The following SRD5A2 variants were observed in gnomAD, a reference collection of about 807,000 sequenced individuals.
SRD5A2 encodes 3-oxo-5-alpha-steroid 4-dehydrogenase 2.
A neutral mutation model predicts 27.4 loss-of-function variants in SRD5A2; 30 were observed. That is an observed-to-expected ratio of 1.10 (90% CI 0.82 to 1.49). SRD5A2 has a LOEUF of 1.49. SRD5A2 is among the 40% of genes most tolerant of loss of function. SRD5A2 has a pLI of 0.00. For synonymous variants in SRD5A2, 141 were observed against 133.6 expected (o/e 1.06, Z -0.38); for missense variants, 348 against 323.4 (o/e 1.08, Z -0.58).
At chr2:31,527,468 A>T (rs904040014) in intron 4 of SRD5A2, 4 of 152,186 alleles carry the variant, frequency 2.6e-5, no homozygotes, top group Non-Finnish European at 4.4e-5. Flanking sequence ...CTGTTAGCCT[A>T]TTAAAAACTA....
the SRD5A2 span, among the ~76,000 whole-genome samples, chr2:31,614,110 T>A: frequency 6.6e-6 from 1 of 152,172 alleles, no homozygotes; most frequent in African/African-American, 2.4e-5. Flanking sequence ...CTCAAAGTAA[T>A]AATTCATTTC....
intron 1 of SRD5A2, among the ~76,000 whole-genome samples, chr2:31,540,010 A>AG (rs1367208569): frequency 5.9e-5 from 9 of 152,322 alleles, no homozygotes; most frequent in South Asian, 2.1e-4. Flanking sequence ...AAATGTACGA[A>AG]GGGGGAATAT....
At chr2:31,569,150 C>G (rs1338241620) in intron 1 of SRD5A2, among the ~76,000 whole-genome samples, 3 of 152,242 alleles carry the variant, frequency 2.0e-5, no homozygotes, top group Non-Finnish European at 4.4e-5. Context: ...CCTGGCCGTG[C>G]CAGCTCTGTG....
chr2:31,565,111 C>A (rs1016196695), intron 1 of SRD5A2, among the ~76,000 whole-genome samples: 1 of 151,822 alleles, frequency 6.6e-6, no homozygotes, highest in East Asian at 1.9e-4. Flanking sequence ...GATTTTTATA[C>A]CATACTTGAA....
chr2:31,529,509 A>C (rs370719425), intron 3 of SRD5A2, 52 bp from the exon 4 acceptor site: 1 of 1,597,496 alleles, frequency 6.3e-7, no homozygotes, highest in Admixed American at 1.7e-5. Flanking sequence ...TCATTTTGAC[A>C]TTAAACCCAT....
chr2:31,523,019 C>T lies in SRD5A2; in HGVS notation c.*3177G>A, dbSNP rs143288491. 50 of 219,702 alleles carry T rather than the reference C, an allele frequency of 2.3e-4. No homozygotes were observed. Among genetic ancestry groups the T allele is most frequent in the African/African-American group, 1.0e-3 (45 of 44,612 alleles). 13.6% of individuals were successfully genotyped at this position (219,702 alleles called of 1,614,324 possible). On this transcript the variant is annotated 3_prime_UTR_variant, in exon 5 of 5. Transcript: ENST00000622030. The stretch of plus-strand genomic sequence containing the variant: ...TATTTGTTCCTGAAAGGGTCTAAGC[C>T]GCCTAAATAGCTGTTTAATTGCGTA...
At chr2:31,568,854 G>T (rs1666791508) in intron 1 of SRD5A2, among the ~76,000 whole-genome samples, 1 of 152,246 alleles carries the variant, frequency 6.6e-6, no homozygotes, top group Non-Finnish European at 1.5e-5. Flanking sequence ...AAGGCGGCAG[G>T]GGGCTGGTGT....
At chr2:31,564,958 T>C (rs1666699951) in intron 1 of SRD5A2, among the ~76,000 whole-genome samples, 1 of 152,000 alleles carries the variant, frequency 6.6e-6, no homozygotes, top group Admixed American at 6.5e-5. Flanking sequence ...TTTTTTATTA[T>C]CTTATTTAAA....
chr2:31,598,283 C>A, the SRD5A2 span, among the ~76,000 whole-genome samples: 2 of 151,786 alleles, frequency 1.3e-5, no homozygotes, highest in Non-Finnish European at 2.9e-5. Flanking sequence ...ATAATGGGCT[C>A]TGGGGACTCG....
intron 1 of SRD5A2, among the ~76,000 whole-genome samples, chr2:31,568,146 G>A (rs768332225): frequency 1.3e-5 from 2 of 152,198 alleles, no homozygotes; most frequent in Non-Finnish European, 2.9e-5. Context: ...GCTTGGAGAT[G>A]CCAGGAACCA....
the SRD5A2 span, among the ~76,000 whole-genome samples, chr2:31,611,017 G>A: frequency 6.6e-6 from 1 of 152,108 alleles, no homozygotes; most frequent in Non-Finnish European, 1.5e-5. Context: ...GTTGAGGCAG[G>A]AGAATCACTT....
chr2:31,636,621 T>A, the SRD5A2 span, among the ~76,000 whole-genome samples: 1 of 152,044 alleles, frequency 6.6e-6, no homozygotes, highest in Non-Finnish European at 1.5e-5. Flanking sequence ...GTTTGTCATA[T>A]GTGGCCTTTT....
At chr2:31,566,577 T>G (rs570581838) in intron 1 of SRD5A2, among the ~76,000 whole-genome samples, 47 of 152,304 alleles carry the variant, frequency 3.1e-4, no homozygotes, top group South Asian at 8.3e-4. Flanking sequence ...CAAGTGCTAC[T>G]TTGCCAGGTA....
chr2:31,547,100 AAAAATAAAAT>A lies in SRD5A2; in HGVS notation c.282-13344_282-13335del, dbSNP rs377001186. 3.3e-5 allele frequency among the ~76,000 whole-genome samples: 5 copies of A among 152,100 alleles called. No homozygotes were observed. In the East Asian group the frequency reaches 7.7e-4, roughly 23 times the overall value. ...GCAACAAGAGTGAAACTCCATCTCA[AAAAATAAAAT>A]AAAATAAAATAAAAATAAAAATAAA... On this transcript the variant is annotated intron_variant, in intron 1 of 4. Transcript: ENST00000622030.
At position 31,526,113 on chromosome 2, in the gene SRD5A2, T is replaced by C. The variant is rs1665774903; in HGVS notation, c.*83A>G. 1.2e-6 allele frequency: 1 copy of C among 831,574 alleles called. No homozygotes were observed. The highest frequency in any genetic ancestry group is 1.9e-6 in the Non-Finnish European group (1 of 529,454). The allele number at this position is 831,574 out of a possible 1,614,324, so 51.5% of individuals were successfully genotyped here. A position where few individuals can be genotyped will look rare whatever the true frequency, so the allele number is the denominator to read the frequency against. On this transcript the variant is annotated 3_prime_UTR_variant, in exon 5 of 5. Transcript: ENST00000622030. ...TACTATTACATATATACGGGACTAT[T>C]ATATCATGAAAATTACAGTTTCAGC...
At chr2:31,583,866 G>T (rs147671050), upstream of SRD5A2, among the ~76,000 whole-genome samples, 3 of 152,134 alleles carry the variant, frequency 2.0e-5, no homozygotes, top group African/African-American at 7.2e-5. Flanking sequence ...CACCACCCAA[G>T]ACCACATGGA....
At chr2:31,598,993 T>A in the SRD5A2 span, among the ~76,000 whole-genome samples, 38 of 152,046 alleles carry the variant, frequency 2.5e-4, no homozygotes, top group African/African-American at 8.9e-4. Flanking sequence ...TCCATGCCAA[T>A]GGAAACCAAA....
At chr2:31,557,845 G>A (rs17011470) in intron 1 of SRD5A2, among the ~76,000 whole-genome samples, 2,507 of 152,234 alleles carry the variant, frequency 0.016, 65 homozygotes, top group African/African-American at 0.057. Flanking sequence ...AACTCATCAC[G>A]AAAGCAGCCT....
the SRD5A2 span, among the ~76,000 whole-genome samples, chr2:31,621,341 T>C: frequency 1.3e-5 from 2 of 152,132 alleles, no homozygotes; most frequent in Non-Finnish European, 2.9e-5. Context: ...GTCGTTTCAG[T>C]AAGATTATCT....
Sources: gnomAD v4.1 joint callset for allele counts (sites outside exome capture counted in the v4.1 genomes callset) on GRCh38, gnomAD v4.1.1 for gene constraint, MANE v1.5 for transcripts, NCBI Gene and HGNC (gene_info 2026-07-23, HGNC 2026-07-21) for gene names.